The following VAV1 variants were observed in gnomAD, a reference collection of about 807,000 sequenced individuals.
VAV1 encodes the protein proto-oncogene vav.
A neutral mutation model predicts 128.1 loss-of-function variants in VAV1; 33 were observed. The observed-to-expected ratio is 0.26, with a 90% CI of 0.20 to 0.34. VAV1 has a LOEUF of 0.34. Among genes scored for constraint, VAV1 ranks in the 10% least tolerant of loss-of-function variants. The pLI, the probability that VAV1 is intolerant of heterozygous loss-of-function variation, is 1.00. For missense variants in VAV1, 715 were observed against 1,093.7 expected (o/e 0.65, Z 4.88); for synonymous variants, 394 against 409.8 (o/e 0.96, Z 0.47).
chr19:6,787,113 T>A (rs548354906), intron 1 of VAV1, among the ~76,000 whole-genome samples: 1 of 149,846 alleles, frequency 6.7e-6, no homozygotes, highest in Non-Finnish European at 1.5e-5. Context: ...GCTCAGGCAA[T>A]ATCTCAGGAC....
intron 22 of VAV1, among the ~76,000 whole-genome samples, chr19:6,847,118 T>C (rs1332413405): frequency 1.3e-5 from 2 of 152,162 alleles, no homozygotes; most frequent in African/African-American, 4.8e-5. Flanking sequence ...TTCACCATGT[T>C]GCCCAGGCTG....
At chr19:6,816,787 T>C (rs3097354) in intron 1 of VAV1, among the ~76,000 whole-genome samples, 12,476 of 150,968 alleles carry the variant, frequency 0.083, 979 homozygotes, top group African/African-American at 0.21. Flanking sequence ...CATGGTGAAA[T>C]CCCCATCTCT....
At chr19:6,785,119 CA>C (rs777816861) in intron 1 of VAV1, among the ~76,000 whole-genome samples, 3 of 152,174 alleles carry the variant, frequency 2.0e-5, no homozygotes, top group Non-Finnish European at 4.4e-5. Flanking sequence ...TCTCTTCCCT[CA>C]GGTATACACG....
rs559370669 is a variant in VAV1, at chr19:6,786,160, G to A, written c.204+13149G>A. ...AGGCAAGGATTTTTGTCTATTTTAC[G>A]TCCCCCAGTGCTTTAGAACACCACC... On this transcript the variant is annotated intron_variant, in intron 1 of 26. Transcript: ENST00000602142. Among the ~76,000 whole-genome samples the A allele has an allele frequency of 4.6e-5, 7 of 151,812 alleles. No homozygotes were observed. In the East Asian group the frequency reaches 5.8e-4, roughly 13 times the overall value.
chr19:6,786,933 G>C (rs538785962), intron 1 of VAV1, among the ~76,000 whole-genome samples: 1 of 151,834 alleles, frequency 6.6e-6, no homozygotes, highest in South Asian at 2.1e-4. Context: ...ATATAAAAAT[G>C]ATCCCTGAAA....
intron 6 of VAV1, among the ~76,000 whole-genome samples, chr19:6,824,472 T>C (rs997178112): frequency 1.3e-5 from 2 of 152,216 alleles, no homozygotes; most frequent in Admixed American, 1.3e-4. Flanking sequence ...CATTGTAGCC[T>C]GTGTCAGAGC....
intron 2 of VAV1, 92 bp from the exon 3 acceptor site, chr19:6,821,530 C>G (rs570475205): frequency 6.8e-7 from 1 of 1,480,352 alleles, no homozygotes; most frequent in African/African-American, 1.4e-5. Flanking sequence ...GGCATGGGAT[C>G]TAGCGCCTCA....
chr19:6,854,227 A>T, intron 26 of VAV1, 129 bp downstream of exon 26: 1 of 1,247,214 alleles, frequency 8.0e-7, no homozygotes, highest in Non-Finnish European at 1.1e-6. Context: ...GGAGGGAAGG[A>T]AGGGACACAG....
chr19:6,831,533 C>T (rs1368901374), intron 14 of VAV1, among the ~76,000 whole-genome samples: 2 of 152,156 alleles, frequency 1.3e-5, no homozygotes, highest in Admixed American at 6.5e-5. Flanking sequence ...AGGCTGGTCT[C>T]AAACTCCTGA....
At chr19:6,830,984 T>C (rs1972040879) in intron 14 of VAV1, among the ~76,000 whole-genome samples, 1 of 152,022 alleles carries the variant, frequency 6.6e-6, no homozygotes, top group Admixed American at 6.5e-5. Context: ...CCTAGCTACA[T>C]GGGAGGCTGA....
At chr19:6,783,655 T>C (rs1970819047) in intron 1 of VAV1, among the ~76,000 whole-genome samples, 1 of 151,786 alleles carries the variant, frequency 6.6e-6, no homozygotes, top group Non-Finnish European at 1.5e-5. Context: ...GCTAATTTTG[T>C]AGGGGTTTCT....
chr19:6,806,374 C>T (rs1198814955), intron 1 of VAV1, among the ~76,000 whole-genome samples: 2 of 152,116 alleles, frequency 1.3e-5, no homozygotes, highest in Admixed American at 1.3e-4. Flanking sequence ...CGTGAGCCAC[C>T]ATGCACGGCC....
intron 1 of VAV1, among the ~76,000 whole-genome samples, chr19:6,799,126 G>A (rs1027793597): frequency 3.3e-5 from 5 of 152,022 alleles, no homozygotes; most frequent in African/African-American, 9.7e-5. Context: ...ATGCACCCCA[G>A]TTTGTTTATC....
chr19:6,804,078 G>A lies in VAV1; in HGVS notation c.205-16624G>A, dbSNP rs972011703. Among the ~76,000 whole-genome samples the A allele has an allele frequency of 3.9e-5, 6 of 152,102 alleles. No individual in the cohort carries two copies. In the East Asian group the frequency reaches 1.2e-3, roughly 29 times the overall value. On this transcript the variant is annotated intron_variant, in intron 1 of 26. Coordinates refer to ENST00000602142, the MANE Select transcript of VAV1 (RefSeq NM_005428.4). ...GTAGTTGTCAGAGGTTAGTGGAAAG[G>A]GGGTATGGATAGGCAGAGCATGGAA...
intron 1 of VAV1, among the ~76,000 whole-genome samples, chr19:6,780,118 T>TAATAA (rs950824619): frequency 1.3e-5 from 1 of 74,978 alleles, no homozygotes; most frequent in Non-Finnish European, 2.8e-5. Context: ...CTTAAAATAA[T>TAATAA]AATAATAATA....
chr19:6,826,590 G>C lies in VAV1; in HGVS notation c.828-22G>C, dbSNP rs1050922752. 1.3e-5 allele frequency: 20 copies of C among 1,542,300 alleles called. No individual in the cohort carries two copies. Among genetic ancestry groups the C allele is most frequent in the Admixed American group, 2.0e-5 (1 of 51,030 alleles). ...CCTTGATGCCAGTCACCTTTACCTG[G>C]TGGCCTGTCTTCTCCCTGTAGGTTC... On this transcript the variant is annotated intron_variant, in intron 8 of 26. Coordinates refer to ENST00000602142, the MANE Select transcript of VAV1 (RefSeq NM_005428.4). This position sits in a 1 kb window ranked among gnomAD's most constrained non-coding sequence, Gnocchi z 4.1.
rs935285791 is a variant in VAV1 at position 6,857,171 on chromosome 19, G to A, written c.*64G>A. 2.4e-5 allele frequency: 39 copies of A among 1,607,758 alleles called. No individual in the cohort carries two copies. Among genetic ancestry groups the A allele is most frequent in the South Asian group, 7.7e-5 (7 of 90,568 alleles). ...TCTGAGCCCGGCGTGGGCAGGCAGC[G>A]GAGCCAGGGGCTGTGACAGCTCCCG... On this transcript the variant is annotated 3_prime_UTR_variant, in exon 27 of 27. Transcript: ENST00000602142.
chr19:6,820,649 T>G lies in VAV1; in HGVS notation c.205-53T>G. On this transcript the variant is annotated intron_variant, in intron 1 of 26. Transcript: ENST00000602142. The surrounding 1 kb of genome is among the most constrained non-coding windows in gnomAD (Gnocchi z 4.4). ...CAAGCTAGGTGGCCTGGGGGTCAGT[T>G]TCTCCCCTGCCCTTTCGTACTGCCC... 6.5e-7 allele frequency: 1 copy of G among 1,533,216 alleles called. No individual in the cohort carries two copies. The highest frequency in any genetic ancestry group is 1.7e-4 in the Middle Eastern group (1 of 5,868). The allele number at this position is 1,533,216 out of a possible 1,614,324, so 95.0% of individuals were successfully genotyped here.
chr19:6,833,621 G>A lies in VAV1; in HGVS notation c.1704G>A (p.Gly568=). Residue 568 remains glycine (G), a synonymous_variant, in exon 17 of 27, where the codon GGG becomes GGA. Coordinates refer to ENST00000602142, the MANE Select transcript of VAV1 (RefSeq NM_005428.4). Reference sequence around the variant, plus strand: ...GGGTCCCTCCATGTGGCCGACATGGGCAAGGTACGAGTGGGAGGGAGGCTG... The same window carrying A: ...GGGTCCCTCCATGTGGCCGACATGGACAAGGTACGAGTGGGAGGGAGGCTG... ...LGRVPPCGRH[G]QDFPGTMKKD... 1 of 1,613,958 alleles carries A rather than the reference G, an allele frequency of 6.2e-7. No homozygotes were observed. The highest frequency in any genetic ancestry group is 1.1e-5 in the South Asian group (1 of 91,072).
Sources: gnomAD v4.1 joint callset for allele counts (sites outside exome capture counted in the v4.1 genomes callset) on GRCh38, gnomAD v4.1.1 for gene constraint, Gnocchi (gnomAD v3.1) non-coding constraint, MANE v1.5 for transcripts, NCBI Gene and HGNC (gene_info 2026-07-23, HGNC 2026-07-21) for gene names.